PDE2A: variants seen among roughly 807,000 people sequenced by gnomAD.
PDE2A encodes the protein phosphodiesterase 2A, also known as cGMP-dependent 3',5'-cyclic phosphodiesterase.
Under a neutral mutation model 133.6 loss-of-function variants are expected in PDE2A, and 53 were observed. That is an observed-to-expected ratio of 0.40 (90% CI 0.32 to 0.50). The LOEUF is 0.50. PDE2A is among the 20% of genes least tolerant of loss of function. The pLI is 0.73. For synonymous variants in PDE2A, 491 were observed against 490.2 expected, an observed-to-expected ratio of 1.00 and a Z score of -0.02; for missense variants, 796 against 1,232.4, an observed-to-expected ratio of 0.65 and a Z score of 5.30.
At position 72,588,932 on chromosome 11, in the gene PDE2A, G is replaced by T. The variant is rs1170513859; in HGVS notation, c.940-18C>A. On this transcript the variant is annotated intron_variant, in intron 12 of 30. Coordinates refer to ENST00000334456, the MANE Select transcript of PDE2A (RefSeq NM_002599.5). ...ACATCCTCCTGCAAAGGCGAGGCAA[G>T]TCAGGGCAGGGAAGCAGGGCGCAGT... 1 of 1,592,436 alleles carries T rather than the reference G, an allele frequency of 6.3e-7. No homozygotes were observed. The highest frequency in any genetic ancestry group is 1.7e-5 in the Admixed American group (1 of 58,838).
At chr11:72,633,539 G>C (rs1858526627) in intron 2 of PDE2A, among the ~76,000 whole-genome samples, 1 of 152,220 alleles carries the variant, frequency 6.6e-6, no homozygotes, top group African/African-American at 2.4e-5. Flanking sequence ...GGAAGAGGAG[G>C]ACACTGGGTT....
chr11:72,576,751 A>G lies in PDE2A; in HGVS notation c.*633T>C, dbSNP rs1023404048. ...AGTGCGGGGATCCCTCCTGCCCATCAATCCCATCCTGCTTCTCCCCAGGGC... is the reference window on the plus strand; with the variant it reads ...AGTGCGGGGATCCCTCCTGCCCATCGATCCCATCCTGCTTCTCCCCAGGGC... On this transcript the variant is annotated 3_prime_UTR_variant, in exon 31 of 31. Transcript: ENST00000334456. The G allele has an allele frequency of 5.9e-6, 1 of 169,242 alleles. No individual in the cohort carries two copies. Among genetic ancestry groups the G allele is most frequent in the Non-Finnish European group, 1.5e-5 (1 of 68,342 alleles). The allele number at this position is 169,242 out of a possible 1,614,324, so 10.5% of individuals were successfully genotyped here.
At chr11:72,613,847 T>C (rs1857334620) in intron 2 of PDE2A, among the ~76,000 whole-genome samples, 1 of 152,150 alleles carries the variant, frequency 6.6e-6, no homozygotes, top group African/African-American at 2.4e-5. Context: ...CCTGTTCCGG[T>C]GGGCAATATA....
rs542473450 is a variant in PDE2A at position 72,577,136 on chromosome 11, G to A, written c.*248C>T. On this transcript the variant is annotated 3_prime_UTR_variant, in exon 31 of 31. Transcript: ENST00000334456. ...AAGGTGTGGTCAGAGGTGCAGAGTA[G>A]GGCCCACTGCTCATTGGTCACCCCT... 1.6e-5 allele frequency: 8 copies of A among 509,124 alleles called. No homozygotes were observed. The highest frequency in any genetic ancestry group is 2.5e-5 in the Non-Finnish European group (7 of 284,920). The allele number at this position is 509,124 out of a possible 1,614,324, so 31.5% of individuals were successfully genotyped here.
chr11:72,664,605 C>T (rs1855179252), intron 1 of PDE2A, among the ~76,000 whole-genome samples: 1 of 151,622 alleles, frequency 6.6e-6, no homozygotes, highest in African/African-American at 2.4e-5. Flanking sequence ...GATCTCCTGA[C>T]CTCGTGATCC....
Position 72,589,252 on chromosome 11 carries a change from G to C in PDE2A, c.874-12C>G. The stretch of plus-strand genomic sequence containing the variant: ...AGGCATCCTGTCAACTAGGGGGTGA[G>C]GAGAGACTGAGTCAGGGCCCAGTAC... On this transcript the variant is annotated splice_polypyrimidine_tract_variant and intron_variant, in intron 11 of 30. Coordinates refer to ENST00000334456, the MANE Select transcript of PDE2A (RefSeq NM_002599.5). 6.2e-7 allele frequency: 1 copy of C among 1,609,162 alleles called. No individual in the cohort carries two copies. The highest frequency in any genetic ancestry group is 8.5e-7 in the Non-Finnish European group (1 of 1,175,916).
chr11:72,637,814 G>A (rs1418646151), intron 2 of PDE2A, among the ~76,000 whole-genome samples: 1 of 152,248 alleles, frequency 6.6e-6, no homozygotes, highest in Non-Finnish European at 1.5e-5. Context: ...GATGAGTCAG[G>A]TTGGAGAAAG....
At position 72,590,720 on chromosome 11, in the gene PDE2A, C is replaced by T. The variant is rs1425843261; in HGVS notation, c.550-140G>A. 1 of 771,634 alleles carries T rather than the reference C, an allele frequency of 1.3e-6. No individual in the cohort carries two copies. Among genetic ancestry groups the T allele is most frequent in the Non-Finnish European group, 1.9e-6 (1 of 535,754 alleles). The allele number at this position is 771,634 out of a possible 1,614,324, so 47.8% of individuals were successfully genotyped here. A position where few individuals can be genotyped will look rare whatever the true frequency, so the allele number is the denominator to read the frequency against. On this transcript the variant is annotated intron_variant, in intron 7 of 30. Transcript: ENST00000334456. This position sits in a 1 kb window ranked among gnomAD's most constrained non-coding sequence, Gnocchi z 4.8. The stretch of plus-strand genomic sequence containing the variant: ...CGCCGCCGTCCCAAACACCTCATCC[C>T]TGGACTCTACCTTCCTGAGGGCTCC...
At chr11:72,604,596 C>G (rs1856893870) in intron 4 of PDE2A, among the ~76,000 whole-genome samples, 1 of 152,216 alleles carries the variant, frequency 6.6e-6, no homozygotes, top group South Asian at 2.1e-4. Flanking sequence ...ATAAACAAAA[C>G]TGAGGCACAG....
At chr11:72,666,941 A>G (rs187768281) in intron 1 of PDE2A, among the ~76,000 whole-genome samples, 1 of 152,200 alleles carries the variant, frequency 6.6e-6, no homozygotes, top group African/African-American at 2.4e-5. Flanking sequence ...CCCCATCTCT[A>G]CTAAAAATAC....
chr11:72,631,143 C>A, intron 2 of PDE2A: 1 of 1,544,646 alleles, frequency 6.5e-7, no homozygotes, highest in Non-Finnish European at 8.7e-7. Context: ...AGGCTGGCTG[C>A]AGAGACAAGA....
Position 72,577,424 on chromosome 11 carries a change from C to T in PDE2A, c.2786G>A (p.Arg929Lys), listed in dbSNP as rs1364561911. Residue 929 changes from arginine (R) to lysine (K), a missense_variant, in exon 31 of 31, where the codon AGG (arginine) becomes AAG (lysine). This residue lies in a region of PDE2A where 83 missense variants were observed against 99.0 expected (regional missense o/e 0.84). Coordinates refer to ENST00000334456, the MANE Select transcript of PDE2A (RefSeq NM_002599.5). ...GCTGCAGCAGCCATTGATGGGGGCC[C>T]TAGTGCCATCCAGATCAGGCACCTC... ...EYEVPDLDGTRAPINGCCSLD... is the reference protein window; with the variant it reads ...EYEVPDLDGTKAPINGCCSLD... 1 of 1,613,936 alleles carries T rather than the reference C, an allele frequency of 6.2e-7. No homozygotes were observed.
Position 72,588,284 on chromosome 11 carries a change from T to C in PDE2A, c.1070+500A>G, listed in dbSNP as rs141676133. 4.9e-3 allele frequency among the ~76,000 whole-genome samples: 754 copies of C among 152,332 alleles called. 3 individuals carry two copies. The highest frequency in any genetic ancestry group is 0.017 in the African/African-American group (722 of 41,568). On this transcript the variant is annotated intron_variant, in intron 13 of 30. Coordinates refer to ENST00000334456, the MANE Select transcript of PDE2A (RefSeq NM_002599.5). ...TGTCCTCAGTTCTCGAGATATCCTT[T>C]CCAACTAAGCCTCCAAGCCTGCTTT... is the stretch of plus-strand genomic sequence containing the variant.
intron 21 of PDE2A, 35 bp downstream of exon 21, chr11:72,582,409 C>A: frequency 6.2e-7 from 1 of 1,603,584 alleles, no homozygotes; most frequent in Non-Finnish European, 8.5e-7. Context: ...TACATACCTT[C>A]GGCCTGGCCA....
chr11:72,633,512 G>A (rs2135421547), intron 2 of PDE2A, among the ~76,000 whole-genome samples: 1 of 152,288 alleles, frequency 6.6e-6, no homozygotes, highest in East Asian at 1.9e-4. Flanking sequence ...CCTGGAGGAG[G>A]TGTGTGAGGC....
At chr11:72,584,148 T>C in intron 19 of PDE2A, 53 bp downstream of exon 19, 1 of 878,302 alleles carries the variant, frequency 1.1e-6, no homozygotes, top group Non-Finnish European at 1.8e-6. Flanking sequence ...CGAGGGTCCT[T>C]CGTGGGCCCC....
chr11:72,624,882 T>C (rs1255844684), intron 2 of PDE2A, among the ~76,000 whole-genome samples: 2 of 152,226 alleles, frequency 1.3e-5, no homozygotes, highest in African/African-American at 4.8e-5. Flanking sequence ...GTACTTGATA[T>C]TACACGTCAT....
At chr11:72,614,467 T>G (rs1198153709) in intron 2 of PDE2A, among the ~76,000 whole-genome samples, 2 of 152,100 alleles carry the variant, frequency 1.3e-5, no homozygotes, top group Non-Finnish European at 2.9e-5. Context: ...CCCAAGCACC[T>G]CCTGTGGCTA....
Position 72,585,447 on chromosome 11 carries a change from G to T in PDE2A, c.1223-13C>A, listed in dbSNP as rs368962120. ...ACAGAGACGTCATCTGGGGAAGGGAGAAGACCAGGCAGGGTGAGACCAGGC... is the reference window on the plus strand; with the variant it reads ...ACAGAGACGTCATCTGGGGAAGGGATAAGACCAGGCAGGGTGAGACCAGGC... On this transcript the variant is annotated splice_polypyrimidine_tract_variant and intron_variant, in intron 15 of 30. Transcript: ENST00000334456. 3.7e-6 allele frequency: 6 copies of T among 1,614,000 alleles called. No individual in the cohort carries two copies. Among genetic ancestry groups the T allele is most frequent in the Non-Finnish European group, 5.1e-6 (6 of 1,179,896 alleles).
Sources: allele counts gnomAD v4.1 joint callset (sites outside exome capture counted in the v4.1 genomes callset), GRCh38; gene constraint gnomAD v4.1.1; regional missense constraint gnomAD v4.1.1; non-coding constraint Gnocchi (gnomAD v3.1); transcripts MANE v1.5; gene names NCBI Gene and HGNC (gene_info 2026-07-23, HGNC 2026-07-21).